Variants in FUT8 observed in about 807,000 individuals in gnomAD.
The protein encoded by FUT8 is alpha-(1,6)-fucosyltransferase.
Under a neutral mutation model 71.3 loss-of-function variants are expected in FUT8, and 29 were observed. The ratio of observed to expected loss-of-function variants is 0.41; its 90% confidence interval spans 0.30 to 0.55. The LOEUF (loss-of-function observed/expected upper bound fraction) is 0.55. Among genes scored for constraint, FUT8 ranks in the 20% least tolerant of loss-of-function variants. The pLI is 0.34. For synonymous variants in FUT8, 254 were observed against 239.3 expected (o/e 1.06, Z -0.57); for missense variants, 544 against 702.1 (o/e 0.77, Z 2.55).
chr14:65,630,006 G>A (rs1448006680), intron 6 of FUT8, among the ~76,000 whole-genome samples: 2 of 152,142 alleles, frequency 1.3e-5, no homozygotes, highest in Non-Finnish European at 2.9e-5. Context: ...ATAGGATTTG[G>A]ACACACAGAA....
intron 2 of FUT8, among the ~76,000 whole-genome samples, chr14:65,470,885 G>T (rs1235071322): frequency 1.3e-5 from 2 of 151,976 alleles, no homozygotes; most frequent in Non-Finnish European, 2.9e-5. Flanking sequence ...GCGGCGGGCT[G>T]TTGAGGGAGG....
chr14:65,484,146 AC>A (rs1445737763), intron 2 of FUT8, among the ~76,000 whole-genome samples: 17 of 152,216 alleles, frequency 1.1e-4, no homozygotes, highest in Admixed American at 5.2e-4. Context: ...TTTGTAGATT[AC>A]ATTGGCTTTT....
At chr14:65,485,435 A>T in intron 2 of FUT8, among the ~76,000 whole-genome samples, 1 of 152,284 alleles carries the variant, frequency 6.6e-6, no homozygotes, top group African/African-American at 2.4e-5. Context: ...GCCTGGAGCA[A>T]TGCTCAATCC....
At chr14:65,662,826 G>A (rs1373014953) in intron 6 of FUT8, among the ~76,000 whole-genome samples, 1 of 152,126 alleles carries the variant, frequency 6.6e-6, no homozygotes, top group Non-Finnish European at 1.5e-5. Context: ...GTTCATAACA[G>A]AACCTTCACT....
intron 6 of FUT8, among the ~76,000 whole-genome samples, chr14:65,641,372 T>G (rs1890821640): frequency 6.6e-6 from 1 of 152,218 alleles, no homozygotes. Context: ...TACTGACTGG[T>G]ATTCTATTAT....
rs1352640974 is a variant in FUT8 at position 65,493,669 on chromosome 14, G to A, written c.-228+37951G>A. The stretch of plus-strand genomic sequence containing the variant: ...CCCTCTGTTACAGAAAAGAAACTGA[G>A]CTACAATAATTTGCCCAGCAAAAGG... On this transcript the variant is annotated intron_variant, in intron 2 of 10. Coordinates refer to ENST00000673929, the MANE Select transcript of FUT8 (RefSeq NM_001371533.1). 2.6e-5 allele frequency among the ~76,000 whole-genome samples: 4 copies of A among 152,146 alleles called. No individual in the cohort carries two copies. The East Asian group carries it at 7.7e-4, about 29-fold the overall frequency.
chr14:65,524,368 T>A (rs1883297037), intron 2 of FUT8, among the ~76,000 whole-genome samples: 1 of 152,074 alleles, frequency 6.6e-6, no homozygotes, highest in African/African-American at 2.4e-5. Context: ...GATTTGGCTC[T>A]CTGTTTGTCT....
intron 10 of FUT8, among the ~76,000 whole-genome samples, chr14:65,737,352 AG>A (rs1896267637): frequency 1.3e-5 from 2 of 152,148 alleles, no homozygotes; most frequent in African/African-American, 4.8e-5. Flanking sequence ...TGAAAATTGG[AG>A]GCAATATTAG....
intron 1 of FUT8, among the ~76,000 whole-genome samples, chr14:65,440,296 C>T (rs959280259): frequency 6.6e-6 from 1 of 150,914 alleles, no homozygotes; most frequent in Middle Eastern, 3.2e-3. Context: ...GCATGGTTGA[C>T]TGTAGTTAAT....
At chr14:65,404,504 T>G in the FUT8 span, among the ~76,000 whole-genome samples, 174 of 145,848 alleles carry the variant, frequency 1.2e-3, no homozygotes, top group Non-Finnish European at 2.1e-3. Context: ...TGAGACAGAG[T>G]CTTGCTCTGT....
chr14:65,438,917 A>G (rs2065600488), intron 1 of FUT8, among the ~76,000 whole-genome samples: 2 of 152,198 alleles, frequency 1.3e-5, no homozygotes. Context: ...AGAAACTTTA[A>G]CAGGAATATG....
At chr14:65,617,925 C>G (rs1022299288) in intron 5 of FUT8, among the ~76,000 whole-genome samples, 1 of 149,316 alleles carries the variant, frequency 6.7e-6, no homozygotes, top group South Asian at 2.1e-4. Flanking sequence ...GCCTGGGCAA[C>G]AGAGCAAGAC....
intron 1 of FUT8, among the ~76,000 whole-genome samples, chr14:65,438,749 G>A (rs1169997973): frequency 6.6e-6 from 1 of 152,068 alleles, no homozygotes; most frequent in Admixed American, 6.6e-5. Flanking sequence ...CTGTTCTGTG[G>A]TTGAACTCTT....
chr14:65,670,991 T>C (rs1424080810), intron 7 of FUT8, among the ~76,000 whole-genome samples: 2 of 152,200 alleles, frequency 1.3e-5, no homozygotes, highest in African/African-American at 2.4e-5. Context: ...ACTGATCTGG[T>C]CTGTACTTTT....
chr14:65,381,634 G>C, the FUT8 span, among the ~76,000 whole-genome samples: 2 of 152,176 alleles, frequency 1.3e-5, no homozygotes, highest in African/African-American at 4.8e-5. Flanking sequence ...TGAAAATAAT[G>C]GCTTGAGCTC....
chr14:65,725,928 A>G (rs1196484386), intron 9 of FUT8, among the ~76,000 whole-genome samples: 1 of 152,228 alleles, frequency 6.6e-6, no homozygotes, highest in Non-Finnish European at 1.5e-5. Context: ...AAGAATCCAA[A>G]TGAACCTGAA....
At chr14:65,514,880 T>C (rs1336175327) in intron 2 of FUT8, among the ~76,000 whole-genome samples, 2 of 152,140 alleles carry the variant, frequency 1.3e-5, no homozygotes, top group African/African-American at 2.4e-5. Flanking sequence ...ACCTTACAAA[T>C]TGATGGTGAG....
intron 6 of FUT8, among the ~76,000 whole-genome samples, chr14:65,650,105 G>A (rs371612074): frequency 4.1e-5 from 6 of 146,582 alleles, no homozygotes; most frequent in African/African-American, 1.2e-4. Flanking sequence ...GACCATCCTC[G>A]CTAACACAGT....
the FUT8 span, among the ~76,000 whole-genome samples, chr14:65,387,109 T>G: frequency 6.6e-6 from 1 of 152,214 alleles, no homozygotes; most frequent in Non-Finnish European, 1.5e-5. Context: ...TCCAAAGTGC[T>G]GGGATCACAG....
Sources: allele counts gnomAD v4.1 joint callset (sites outside exome capture counted in the v4.1 genomes callset), GRCh38; gene constraint gnomAD v4.1.1; transcripts MANE v1.5; gene names NCBI Gene and HGNC (gene_info 2026-07-23, HGNC 2026-07-21).